The following SYNE1 variants were observed in gnomAD, a reference collection of about 807,000 sequenced individuals.
SYNE1 encodes spectrin repeat containing nuclear envelope protein 1.
SYNE1 carries 616 observed loss-of-function variants against 1,111.0 expected under a neutral mutation model. The observed-to-expected ratio is 0.55, with a 90% CI of 0.52 to 0.59. The LOEUF (loss-of-function observed/expected upper bound fraction) is 0.59. Among genes scored for constraint, SYNE1 ranks in the 20% least tolerant of loss-of-function variants. The pLI, the probability that SYNE1 is intolerant of heterozygous loss-of-function variation, is 0.00. For synonymous variants in SYNE1, 3,855 were observed against 3,825.8 expected, an observed-to-expected ratio of 1.01 and a Z score of -0.28; for missense variants, 10,006 against 10,417.0, an observed-to-expected ratio of 0.96 and a Z score of 1.72.
chr6:152,612,166 T>C lies in SYNE1; in HGVS notation c.67+16099A>G, dbSNP rs146303977. Among the ~76,000 whole-genome samples, 91 of 151,098 alleles carry C rather than the reference T, an allele frequency of 6.0e-4. 2 individuals are homozygous for C. The highest frequency in any genetic ancestry group is 2.0e-3 in the African/African-American group (82 of 41,098). ...AAGATCAGAGCAGAACTGGAAGAGATAGGGAAACAAAAAGCCCTTCAAAAA... is the reference window on the plus strand; with the variant it reads ...AAGATCAGAGCAGAACTGGAAGAGACAGGGAAACAAAAAGCCCTTCAAAAA... On this transcript the variant is annotated intron_variant, in intron 3 of 145. Transcript: ENST00000367255.
intron 93 of SYNE1, among the ~76,000 whole-genome samples, chr6:152,295,663 C>G (rs1046598472): frequency 6.6e-6 from 1 of 152,030 alleles, no homozygotes; most frequent in Admixed American, 6.6e-5. Context: ...CACACACATA[C>G]ACATGCAATC....
intron 117 of SYNE1, 122 bp from the exon 118 acceptor site, chr6:152,221,681 C>G (rs1454011628): frequency 1.6e-6 from 2 of 1,246,092 alleles, no homozygotes; most frequent in African/African-American, 3.0e-5. Flanking sequence ...CCAGGCATGA[C>G]TTAGCACCAA....
intron 107 of SYNE1, among the ~76,000 whole-genome samples, chr6:152,240,684 C>T (rs888020845): frequency 6.6e-6 from 1 of 152,198 alleles, no homozygotes; most frequent in African/African-American, 2.4e-5. Context: ...TCTGACTCAT[C>T]TCATCCTCCT....
At chr6:152,581,342 C>T (rs1221617519) in intron 3 of SYNE1, among the ~76,000 whole-genome samples, 1 of 152,170 alleles carries the variant, frequency 6.6e-6, no homozygotes, top group Non-Finnish European at 1.5e-5. Flanking sequence ...ATCAAATGAC[C>T]TCCCAGTTAC....
chr6:152,268,660 A>G (rs984006600), intron 99 of SYNE1, among the ~76,000 whole-genome samples: 1 of 152,228 alleles, frequency 6.6e-6, no homozygotes, highest in African/African-American at 2.4e-5. Flanking sequence ...CAGTTAAGGT[A>G]CCAATGAGAA....
intron 100 of SYNE1, among the ~76,000 whole-genome samples, chr6:152,265,718 T>G (rs2092635331): frequency 6.6e-6 from 1 of 152,172 alleles, no homozygotes; most frequent in South Asian, 2.1e-4. Flanking sequence ...CTTCTTTCCT[T>G]TTATATTGAC....
At chr6:152,618,986 G>A (rs573583249) in intron 3 of SYNE1, among the ~76,000 whole-genome samples, 17 of 151,932 alleles carry the variant, frequency 1.1e-4, no homozygotes, top group Admixed American at 7.9e-4. Context: ...ATTAACAATT[G>A]CTTAATTAAA....
At chr6:152,237,666 A>T (rs1241739371) in intron 108 of SYNE1, among the ~76,000 whole-genome samples, 1 of 152,124 alleles carries the variant, frequency 6.6e-6, no homozygotes, top group South Asian at 2.1e-4. Context: ...AGTCAAAAGG[A>T]TGGGGATGTT....
chr6:152,444,540 C>T lies in SYNE1; in HGVS notation c.3708G>A (p.Gln1236=). The change falls in exon 30 of 146, where the codon CAG becomes CAA. Residue 1236 remains glutamine, a synonymous_variant. Transcript: ENST00000367255. ...KMLSNFGDCV[Q]YKEIVKNSLE... ...GAGAATTTTTGACTATTTCTTTGTA[C>T]TGGACACAGTCCCCAAAATTGCTTA... 6.2e-7 allele frequency: 1 copy of T among 1,613,300 alleles called. No homozygotes were observed. Among genetic ancestry groups the T allele is most frequent in the Non-Finnish European group, 8.5e-7 (1 of 1,179,840 alleles).
chr6:152,394,225 A>G (rs979074674), intron 51 of SYNE1, among the ~76,000 whole-genome samples: 5 of 152,150 alleles, frequency 3.3e-5, no homozygotes. Flanking sequence ...CCAGTCTATC[A>G]CTGATGGGCA....
intron 4 of SYNE1, among the ~76,000 whole-genome samples, chr6:152,531,435 G>A (rs2099200975): frequency 2.0e-5 from 3 of 152,136 alleles, no homozygotes; most frequent in Admixed American, 2.0e-4. Flanking sequence ...TGTGGCTTCA[G>A]GCATCTACTG....
At chr6:152,188,980 AAAAAATATATATATAT>A (rs2071266096) in intron 128 of SYNE1, among the ~76,000 whole-genome samples, 1 of 33,894 alleles carries the variant, frequency 3.0e-5, no homozygotes. Context: ...AAAAAAAAAA[AAAAAATATATATATAT>A]ATATATATAT....
intron 133 of SYNE1, among the ~76,000 whole-genome samples, chr6:152,152,813 G>A (rs1043564762): frequency 6.6e-6 from 1 of 152,078 alleles, no homozygotes; most frequent in Non-Finnish European, 1.5e-5. Flanking sequence ...GATTTAATTA[G>A]TTTTTATAAA....
rs773211579 is a variant in SYNE1, at chr6:152,244,573, G to A, written c.19656C>T (p.Val6552=). Residue 6552 remains valine (V), a synonymous_variant, in exon 106 of 146, where the codon GTC becomes GTT. Coordinates refer to ENST00000367255, the MANE Select transcript of SYNE1 (RefSeq NM_182961.4). ...ELKRRGDKLQ[V]EQPSMQELSK... is the part of the protein sequence containing the mutation. ...AGAGTTCTTGCATGGACGGCTGCTC[G>A]ACCTGTAGCTTGTCACCACGCCTCT... The A allele has an allele frequency of 8.1e-6, 13 of 1,613,914 alleles. No individual in the cohort carries two copies. The highest frequency in any genetic ancestry group is 1.6e-4 in the Middle Eastern group (1 of 6,084).
intron 3 of SYNE1, among the ~76,000 whole-genome samples, chr6:152,569,464 C>T (rs982367014): frequency 6.6e-6 from 1 of 152,030 alleles, no homozygotes; most frequent in African/African-American, 2.4e-5. Context: ...GCTTATATAG[C>T]TTAGCCCATT....
chr6:152,249,912 A>G lies in SYNE1; in HGVS notation c.19471-650T>C, dbSNP rs182486265. On this transcript the variant is annotated intron_variant, in intron 104 of 145. Coordinates refer to ENST00000367255, the MANE Select transcript of SYNE1 (RefSeq NM_182961.4). ...GTTAGATTTGTATAAAAAGGAGACA[A>G]CTATCAGAACTTTGGTACTTAATTC... Among the ~76,000 whole-genome samples, 46 of 152,314 alleles carry G rather than the reference A, an allele frequency of 3.0e-4. No individual in the cohort carries two copies. The East Asian group carries it at 7.5e-3, about 25-fold the overall frequency.
intron 38 of SYNE1, among the ~76,000 whole-genome samples, chr6:152,427,125 T>C (rs1434522663): frequency 6.6e-6 from 1 of 152,246 alleles, no homozygotes; most frequent in Non-Finnish European, 1.5e-5. Context: ...CGATTTTCTT[T>C]CTTTAAGTTT....
intron 34 of SYNE1, 30 bp from the exon 35 acceptor site, chr6:152,430,739 G>A (rs2154201693): frequency 6.3e-7 from 1 of 1,594,956 alleles, no homozygotes; most frequent in East Asian, 2.2e-5. Context: ...AAATGACAAT[G>A]TAGGCTGAGC....
rs780146700 is a variant in SYNE1 at position 152,329,980 on chromosome 6, C to G, written c.14705G>C (p.Arg4902Thr). ...CGGCCCACTGAGCTCTGCCTTCACTCTCCTCAGCCAGTCCAGGGAGCGACT... is the reference window on the plus strand; with the variant it reads ...CGGCCCACTGAGCTCTGCCTTCACTGTCCTCAGCCAGTCCAGGGAGCGACT... The part of the protein sequence containing the change: ...EMSRSLDWLR[R>T]VKAELSGPVY... Residue 4902 changes from arginine (R) to threonine (T), a missense_variant, in exon 78 of 146, where the codon AGA becomes ACA. Arg to Thr is a moderately conservative substitution (Grantham distance 71). This residue lies in a region of SYNE1 where 4,955 missense variants were observed against 5,017.2 expected (regional missense o/e 0.99). Transcript: ENST00000367255. 6.2e-7 allele frequency: 1 copy of G among 1,614,076 alleles called. No homozygotes were observed. The highest frequency in any genetic ancestry group is 8.5e-7 in the Non-Finnish European group (1 of 1,180,040).
Sources: gnomAD v4.1 joint callset for allele counts (sites outside exome capture counted in the v4.1 genomes callset) on GRCh38, gnomAD v4.1.1 for gene constraint, gnomAD v4.1.1 regional missense constraint, MANE v1.5 for transcripts, NCBI Gene and HGNC (gene_info 2026-07-23, HGNC 2026-07-21) for gene names.